Variants in PFKFB2 observed in about 807,000 individuals in gnomAD.
PFKFB2 encodes the protein 6-phosphofructo-2-kinase/fructose-2,6-biphosphatase 2.
Under a neutral mutation model 68.0 loss-of-function variants are expected in PFKFB2, and 53 were observed. The observed-to-expected ratio is 0.78, with a 90% CI of 0.63 to 0.98. PFKFB2 has a LOEUF of 0.98. Ranked by LOEUF, PFKFB2 falls within the 50% of genes least tolerant of loss-of-function variation. The pLI, the probability that PFKFB2 is intolerant of heterozygous loss-of-function variation, is 0.00. For synonymous variants in PFKFB2, 222 were observed against 227.6 expected, an observed-to-expected ratio of 0.98 and a Z score of 0.22; for missense variants, 451 against 642.0, an observed-to-expected ratio of 0.70 and a Z score of 3.22.
upstream of PFKFB2, among the ~76,000 whole-genome samples, chr1:207,051,542 A>T (rs904008083): frequency 6.6e-6 from 1 of 152,116 alleles, no homozygotes; most frequent in African/African-American, 2.4e-5. Flanking sequence ...TGTGCTTGAA[A>T]ACGTCTATTT....
chr1:207,068,743 T>C (rs1398863145), intron 10 of PFKFB2, among the ~76,000 whole-genome samples: 1 of 131,486 alleles, frequency 7.6e-6, no homozygotes, highest in Non-Finnish European at 1.5e-5. Context: ...AAAGTAGACA[T>C]TTCTTTCTTT....
In PFKFB2 at chr1:207,065,150, A is replaced by T; in HGVS notation, c.622A>T (p.Asn208Tyr). 1 of 1,613,880 alleles carries T rather than the reference A, an allele frequency of 6.2e-7. No homozygotes were observed. The highest frequency in any genetic ancestry group is 1.1e-5 in the South Asian group (1 of 91,074). The change falls in exon 8 of 15, where the codon AAC becomes TAC. Residue 208 changes from asparagine (N) to tyrosine (Y), a missense_variant. Transcript: ENST00000367080. ...TACCTACCGACCTCTTGACCCAGACAACTATGACAAGTAAGGTTTAAGGCC... is the reference window on the plus strand; with the variant it reads ...TACCTACCGACCTCTTGACCCAGACTACTATGACAAGTAAGGTTTAAGGCC... ...KVTYRPLDPD[N>Y]YDKDLSFIKV...
intron 1 of PFKFB2, among the ~76,000 whole-genome samples, chr1:207,038,468 G>A (rs1448624155): frequency 6.6e-6 from 1 of 152,056 alleles, no homozygotes; most frequent in Non-Finnish European, 1.5e-5. Context: ...TTATCATACT[G>A]TGACCAGACT....
chr1:207,054,365 C>G (rs763793207), intron 1 of PFKFB2, among the ~76,000 whole-genome samples: 1 of 152,042 alleles, frequency 6.6e-6, no homozygotes, highest in Admixed American at 6.6e-5. Context: ...ACACTTAATT[C>G]GATGAATCTC....
chr1:207,063,875 G>A lies in PFKFB2; in HGVS notation c.507+46G>A, dbSNP rs199714014. The A allele has an allele frequency of 2.4e-5, 35 of 1,447,778 alleles. No homozygotes were observed. In the East Asian group the frequency reaches 7.5e-4, roughly 31 times the overall value. 89.7% of individuals were successfully genotyped at this position (1,447,778 alleles called of 1,614,324 possible). ...TCATCTCCTCTTCACCTTTTGTGCT[G>A]TGTGTGTTGTGGGGTGTGTGTGTGT... On this transcript the variant is annotated intron_variant, in intron 7 of 14. Coordinates refer to ENST00000367080, the MANE Select transcript of PFKFB2 (RefSeq NM_006212.2). This position sits in a 1 kb window ranked among gnomAD's most constrained non-coding sequence, Gnocchi z 4.1.
chr1:207,038,268 G>A (rs2629669), intron 1 of PFKFB2, among the ~76,000 whole-genome samples: 17,134 of 152,204 alleles, frequency 0.11, 3,152 homozygotes, highest in African/African-American at 0.38. Context: ...TAGGAATACA[G>A]CAATAACAAA....
chr1:207,072,673 G>A lies in PFKFB2; in HGVS notation c.*302G>A, dbSNP rs999581904. On this transcript the variant is annotated 3_prime_UTR_variant, in exon 15 of 15. Transcript: ENST00000367080. ...GAAAAAGATACACTCCCTTGGGGCT[G>A]AGCATGCCCCACACTCTTGGATCTT... 4 of 1,131,364 alleles carry A rather than the reference G, an allele frequency of 3.5e-6. No homozygotes were observed. The African/African-American group carries it at 6.5e-5, about 18-fold the overall frequency. 70.1% of individuals were successfully genotyped at this position (1,131,364 alleles called of 1,614,324 possible). A position where few individuals can be genotyped will look rare whatever the true frequency, so the allele number is the denominator to read the frequency against.
In PFKFB2 at chr1:207,061,994, A is replaced by G. The variant is rs748997601; in HGVS notation, c.127A>G (p.Met43Val). 7 of 1,614,172 alleles carry G rather than the reference A, an allele frequency of 4.3e-6. No homozygotes were observed. In the Admixed American group the frequency reaches 1.0e-4, roughly 23 times the overall value. The change falls in exon 3 of 15, where the codon ATG becomes GTG. Residue 43 changes from methionine to valine, a missense_variant. Met to Val is a conservative substitution (Grantham distance 21, BLOSUM62 1). Coordinates refer to ENST00000367080, the MANE Select transcript of PFKFB2 (RefSeq NM_006212.2). ...GACCAACTCCCCGACTCTGATCGTT[A>G]TGATTGGTTTGCCAGCCCGGGGTAA... Reference protein sequence around the residue: ...YMTNSPTLIVMIGLPARGKTY... With the variant: ...YMTNSPTLIVVIGLPARGKTY...
chr1:207,060,154 G>T (rs992904378), intron 2 of PFKFB2, among the ~76,000 whole-genome samples: 18 of 152,182 alleles, frequency 1.2e-4, no homozygotes, highest in African/African-American at 4.3e-4. Context: ...GCCAGCCCCT[G>T]TGAGCAAAGT....
At chr1:207,056,067 T>C (rs951262597) in intron 2 of PFKFB2, among the ~76,000 whole-genome samples, 1 of 152,176 alleles carries the variant, frequency 6.6e-6, no homozygotes, top group Non-Finnish European at 1.5e-5. Context: ...GCTTGTTCTC[T>C]CCATGCCTCA....
chr1:207,043,584 C>T (rs1682521219), intron 2 of PFKFB2, among the ~76,000 whole-genome samples: 1 of 152,162 alleles, frequency 6.6e-6, no homozygotes, highest in East Asian at 1.9e-4. Context: ...TCCACACTGA[C>T]AACTTGTCAG....
downstream of PFKFB2, chr1:207,077,870 C>T: frequency 1.1e-6 from 1 of 885,420 alleles, no homozygotes; most frequent in Non-Finnish European, 1.4e-6. Flanking sequence ...TTTCCCATCC[C>T]TTCCCCACCC....
At chr1:207,052,283 C>G (rs745552425), upstream of PFKFB2, 2 of 1,537,890 alleles carry the variant, frequency 1.3e-6, no homozygotes, top group Admixed American at 3.4e-5. Flanking sequence ...GTGCAATTTT[C>G]CTCCTTGGTT....
chr1:207,077,580 A>G lies in PFKFB2; in HGVS notation c.*5209A>G, dbSNP rs1471217937. ...TGTGGGGCTGAGCACCTCTGGGTTG[A>G]ATGGGAATGGGTCAGATTGGGAAGC... is the stretch of plus-strand genomic sequence containing the variant. On this transcript the variant is annotated 3_prime_UTR_variant, in exon 15 of 15. Transcript: ENST00000367080. The G allele has an allele frequency of 4.1e-6, 4 of 985,642 alleles. No individual in the cohort carries two copies. Among genetic ancestry groups the G allele is most frequent in the Non-Finnish European group, 4.8e-6 (4 of 829,920 alleles). The allele number at this position is 985,642 out of a possible 1,614,324, so 61.1% of individuals were successfully genotyped here. A position where few individuals can be genotyped will look rare whatever the true frequency, so the allele number is the denominator to read the frequency against.
At chr1:207,037,795 C>A (rs1457654826) in intron 1 of PFKFB2, among the ~76,000 whole-genome samples, 3 of 152,194 alleles carry the variant, frequency 2.0e-5, no homozygotes, top group Non-Finnish European at 4.4e-5. Flanking sequence ...CCATCATCCA[C>A]TTATTAGCTG....
At chr1:207,036,540 T>G (rs1338007264) in intron 1 of PFKFB2, among the ~76,000 whole-genome samples, 1 of 152,244 alleles carries the variant, frequency 6.6e-6, no homozygotes, top group Non-Finnish European at 1.5e-5. Context: ...ATAAACTGTC[T>G]ACCTCTCTTT....
Position 207,074,887 on chromosome 1 carries a change from AG to A in PFKFB2, c.*2520del. On this transcript the variant is annotated 3_prime_UTR_variant, in exon 15 of 15. Coordinates refer to ENST00000367080, the MANE Select transcript of PFKFB2 (RefSeq NM_006212.2). ...TGTTGTCCTATGGCTATGAGACTAC[AG>A]GGGTTGGGGGATGGGGATGCCCCCA... 1.0e-6 allele frequency: 1 copy of A among 985,476 alleles called. No individual in the cohort carries two copies. Among genetic ancestry groups the A allele is most frequent in the Middle Eastern group, 5.2e-4 (1 of 1,914 alleles). 61.0% of individuals were successfully genotyped at this position (985,476 alleles called of 1,614,324 possible).
intron 1 of PFKFB2, among the ~76,000 whole-genome samples, chr1:207,035,717 T>A (rs1202380638): frequency 1.3e-5 from 2 of 152,014 alleles, no homozygotes; most frequent in African/African-American, 4.8e-5. Flanking sequence ...TGCTCATGAT[T>A]CTACAGGCTG....
At chr1:207,046,380 A>AT (rs1428778779) in intron 2 of PFKFB2, 3 of 152,110 alleles carry the variant, frequency 2.0e-5, no homozygotes, top group Non-Finnish European at 2.9e-5. Context: ...ACAGTAAAAA[A>AT]TGAAAAAACA....
Sources: allele counts gnomAD v4.1 joint callset (sites outside exome capture counted in the v4.1 genomes callset), GRCh38; gene constraint gnomAD v4.1.1; non-coding constraint Gnocchi (gnomAD v3.1); transcripts MANE v1.5; gene names NCBI Gene and HGNC (gene_info 2026-07-23, HGNC 2026-07-21).